Variants in DLGAP1 observed in about 807,000 individuals in gnomAD.
DLGAP1 encodes DLG associated protein 1, also known as disks large-associated protein 1.
In DLGAP1, 11 loss-of-function variants were observed where a neutral mutation model predicts 90.8. The observed-to-expected ratio is 0.12, with a 90% CI of 0.08 to 0.20. The LOEUF is 0.20. Among genes scored for constraint, DLGAP1 ranks in the 10% least tolerant of loss-of-function variants. The pLI, the probability that DLGAP1 is intolerant of heterozygous loss-of-function variation, is 1.00. For synonymous variants in DLGAP1, 558 were observed against 540.7 expected, an observed-to-expected ratio of 1.03 and a Z score of -0.44; for missense variants, 1,050 against 1,333.8, an observed-to-expected ratio of 0.79 and a Z score of 3.31.
intron 7 of DLGAP1, chr18:3,656,323 T>A (rs2059482131): frequency 2.1e-6 from 1 of 473,540 alleles, no homozygotes; most frequent in Non-Finnish European, 3.7e-6. Context: ...ACTAAAACCA[T>A]TTGGGGAAAT....
chr18:4,092,147 G>A (rs2075781512), intron 2 of DLGAP1, among the ~76,000 whole-genome samples: 1 of 151,914 alleles, frequency 6.6e-6, no homozygotes, highest in Non-Finnish European at 1.5e-5. Flanking sequence ...TGTGTAGGTG[G>A]GGGCTATGGT....
chr18:3,986,741 G>A (rs528049822), intron 3 of DLGAP1: 147 of 152,246 alleles, frequency 9.7e-4, no homozygotes, highest in African/African-American at 3.3e-3. Flanking sequence ...CCAATCCAAC[G>A]TGGATTTTTT....
chr18:3,965,648 T>C (rs1304089939), intron 3 of DLGAP1, among the ~76,000 whole-genome samples: 1 of 152,032 alleles, frequency 6.6e-6, no homozygotes, highest in African/African-American at 2.4e-5. Context: ...CAAGTACTGT[T>C]CTAAATAATA....
At chr18:3,914,036 T>A (rs1167692145) in intron 3 of DLGAP1, among the ~76,000 whole-genome samples, 2 of 151,548 alleles carry the variant, frequency 1.3e-5, no homozygotes, top group East Asian at 3.9e-4. Context: ...CCACCATAGG[T>A]AATTTTATTT....
chr18:4,358,803 G>T (rs2081575905), intron 1 of DLGAP1, among the ~76,000 whole-genome samples: 1 of 152,208 alleles, frequency 6.6e-6, no homozygotes, highest in African/African-American at 2.4e-5. Context: ...TGCTGTGCAG[G>T]TATTCGGTGC....
At chr18:3,559,015 A>G (rs1050173731) in intron 9 of DLGAP1, among the ~76,000 whole-genome samples, 4 of 152,218 alleles carry the variant, frequency 2.6e-5, no homozygotes, top group Non-Finnish European at 5.9e-5. Context: ...ACATCATCCT[A>G]TTTATAGCAT....
intron 2 of DLGAP1, among the ~76,000 whole-genome samples, chr18:4,012,169 G>A (rs2074436302): frequency 6.6e-6 from 1 of 152,112 alleles, no homozygotes; most frequent in Non-Finnish European, 1.5e-5. Context: ...CCTCTTCAGT[G>A]TCCTCCCCCA....
chr18:4,226,257 A>G (rs1438748341), intron 1 of DLGAP1, among the ~76,000 whole-genome samples: 1 of 152,170 alleles, frequency 6.6e-6, no homozygotes, highest in African/African-American at 2.4e-5. Flanking sequence ...AGAAAAGCTG[A>G]AATATTTCAT....
intron 9 of DLGAP1, among the ~76,000 whole-genome samples, chr18:3,561,060 G>A (rs1360304783): frequency 1.3e-5 from 2 of 150,430 alleles, no homozygotes; most frequent in African/African-American, 5.0e-5. Context: ...AAATGTACAT[G>A]TATTTAAATA....
At chr18:3,984,950 T>A (rs1413086715) in intron 3 of DLGAP1, among the ~76,000 whole-genome samples, 1 of 152,200 alleles carries the variant, frequency 6.6e-6, no homozygotes, top group Non-Finnish European at 1.5e-5. Flanking sequence ...ATCCCAACCA[T>A]GCCTTGTATT....
intron 4 of DLGAP1, among the ~76,000 whole-genome samples, chr18:3,859,866 C>T (rs1271937185): frequency 1.3e-5 from 2 of 151,982 alleles, no homozygotes; most frequent in Admixed American, 1.3e-4. Context: ...TTTGGGAGGC[C>T]GAGGTGGGCA....
chr18:4,195,319 C>G (rs957590103), intron 1 of DLGAP1, among the ~76,000 whole-genome samples: 6 of 151,972 alleles, frequency 3.9e-5, no homozygotes, highest in African/African-American at 7.3e-5. Flanking sequence ...GATAAACAAG[C>G]CATTTGAGGA....
chr18:4,443,588 G>T (rs1427306047), intron 1 of DLGAP1, among the ~76,000 whole-genome samples: 1 of 152,222 alleles, frequency 6.6e-6, no homozygotes, highest in Non-Finnish European at 1.5e-5. Flanking sequence ...CTACCGTGTA[G>T]CACAATTTCC....
At chr18:3,815,171 G>C (rs1448417408) in intron 4 of DLGAP1, among the ~76,000 whole-genome samples, 1 of 152,198 alleles carries the variant, frequency 6.6e-6, no homozygotes, top group Non-Finnish European at 1.5e-5. Context: ...TTTACTGATT[G>C]ATCTATGCCT....
chr18:3,544,257 C>T (rs746393870), intron 9 of DLGAP1, among the ~76,000 whole-genome samples: 19 of 152,056 alleles, frequency 1.2e-4, no homozygotes, highest in Non-Finnish European at 2.6e-4. Flanking sequence ...GGTGTGGTGG[C>T]ATGTGCTTGC....
In DLGAP1 at chr18:3,838,442, C is replaced by A. The variant is rs141900517; in HGVS notation, c.958-24169G>T. ...ATCTCTGATAGTGCCTGGCATTGTC[C>A]CTTGCATACACAAAAAGTTCAAAAC... On this transcript the variant is annotated intron_variant, in intron 4 of 12. Coordinates refer to ENST00000315677, the MANE Select transcript of DLGAP1 (RefSeq NM_004746.4). 7.2e-5 allele frequency among the ~76,000 whole-genome samples: 11 copies of A among 152,184 alleles called. No homozygotes were observed. In the East Asian group the frequency reaches 1.7e-3, roughly 24 times the overall value.
chr18:3,561,750 G>A (rs2054131287), intron 9 of DLGAP1, among the ~76,000 whole-genome samples: 1 of 150,818 alleles, frequency 6.6e-6, no homozygotes, highest in Non-Finnish European at 1.5e-5. Context: ...GTTTTTGAGT[G>A]TTTTTATAGT....
At chr18:3,957,658 ATTAC>A (rs1179091757) in intron 3 of DLGAP1, among the ~76,000 whole-genome samples, 1 of 152,232 alleles carries the variant, frequency 6.6e-6, no homozygotes, top group Non-Finnish European at 1.5e-5. Flanking sequence ...AGATTATTTT[ATTAC>A]TTTATTATTT....
In DLGAP1 at chr18:3,741,173, TCAC is replaced by T. The variant is rs576587206; in HGVS notation, c.1350+1159_1350+1161del. 7.6e-3 allele frequency among the ~76,000 whole-genome samples: 179 copies of T among 23,456 alleles called. 3 individuals are homozygous for T. Among genetic ancestry groups the T allele is most frequent in the African/African-American group, 0.02 (103 of 5,108 alleles). The allele number at this position is 23,456 out of a possible 152,430, so 15.4% of individuals were successfully genotyped here. On this transcript the variant is annotated intron_variant, in intron 6 of 12. Coordinates refer to ENST00000315677, the MANE Select transcript of DLGAP1 (RefSeq NM_004746.4). Reference sequence around the variant, plus strand: ...CATCACCACCACCATCACCACCACATCACCACCACCACCACCACCACCACCAAA... The same window carrying T: ...CATCACCACCACCATCACCACCACATCACCACCACCACCACCACCACCAAA...
Sources: gnomAD v4.1 joint callset for allele counts (sites outside exome capture counted in the v4.1 genomes callset) on GRCh38, gnomAD v4.1.1 for gene constraint, MANE v1.5 for transcripts, NCBI Gene and HGNC (gene_info 2026-07-23, HGNC 2026-07-21) for gene names.